FAM161A: variants seen among roughly 807,000 people sequenced by gnomAD.
FAM161A encodes the protein protein FAM161A.
A neutral mutation model predicts 70.9 loss-of-function variants in FAM161A; 57 were observed. The observed-to-expected ratio is 0.80, with a 90% CI of 0.65 to 1.00. The LOEUF (loss-of-function observed/expected upper bound fraction) is 1.00. Ranked by LOEUF, FAM161A falls within the 50% of genes least tolerant of loss-of-function variation. The pLI is 0.00. For synonymous variants in FAM161A, 299 were observed against 295.7 expected, an observed-to-expected ratio of 1.01 and a Z score of -0.12; for missense variants, 880 against 836.0, an observed-to-expected ratio of 1.05 and a Z score of -0.65.
chr2:61,803,630 A>G, the FAM161A span, among the ~76,000 whole-genome samples: 1 of 152,214 alleles, frequency 6.6e-6, no homozygotes, highest in Non-Finnish European at 1.5e-5. Context: ...CCTGGCCAAC[A>G]TGGTGAAACC....
the FAM161A span, among the ~76,000 whole-genome samples, chr2:61,807,983 T>C: frequency 1.3e-5 from 2 of 152,160 alleles, no homozygotes; most frequent in East Asian, 1.9e-4. Context: ...CCAGTGCTGC[T>C]AGACATTTGG....
At chr2:61,801,360 G>A in the FAM161A span, among the ~76,000 whole-genome samples, 2 of 151,478 alleles carry the variant, frequency 1.3e-5, no homozygotes, top group South Asian at 4.2e-4. Context: ...AGCTGGGTGT[G>A]GTAGCAGGCG....
At chr2:61,838,888 ATTTAT>A (rs1459537161) in intron 3 of FAM161A, among the ~76,000 whole-genome samples, 183 bp from the exon 4 acceptor site, 4 of 118,146 alleles carry the variant, frequency 3.4e-5, no homozygotes, top group African/African-American at 9.0e-5. Flanking sequence ...TTATTTATTT[ATTTAT>A]TTTTTTTGAG....
In FAM161A at chr2:61,826,354, A is replaced by T; in HGVS notation, c.*101T>A. The T allele has an allele frequency of 7.7e-7, 1 of 1,305,094 alleles. No homozygotes were observed. The allele number at this position is 1,305,094 out of a possible 1,614,324, so 80.8% of individuals were successfully genotyped here. On this transcript the variant is annotated 3_prime_UTR_variant, in exon 7 of 7. Transcript: ENST00000404929. ...ATGACTTTGATCAACAGCCCTGCAC[A>T]TATCAGAAGCGTCCCCACAGATGTT...
At chr2:61,817,737 C>G in the FAM161A span, among the ~76,000 whole-genome samples, 29 of 152,006 alleles carry the variant, frequency 1.9e-4, no homozygotes, top group African/African-American at 6.3e-4. Context: ...GAGGCCAAGG[C>G]AGGAGGATGG....
the FAM161A span, among the ~76,000 whole-genome samples, chr2:61,801,569 T>G: frequency 1.5e-4 from 18 of 123,784 alleles, no homozygotes; most frequent in Non-Finnish European, 2.2e-4. Context: ...GTTTTTTTGG[T>G]TTTTTTTTTT....
At chr2:61,847,207 C>T (rs951284213) in intron 1 of FAM161A, among the ~76,000 whole-genome samples, 1 of 152,118 alleles carries the variant, frequency 6.6e-6, no homozygotes, top group African/African-American at 2.4e-5. Flanking sequence ...AAGGCCTTTG[C>T]ACTTGCTGTT....
chr2:61,820,305 A>G (rs1672176426), downstream of FAM161A: 1 of 728,084 alleles, frequency 1.4e-6, no homozygotes, highest in Non-Finnish European at 2.5e-6. Flanking sequence ...ATTCTGAGCA[A>G]TGGGGAATGC....
chr2:61,832,877 C>G (rs1373381657), intron 5 of FAM161A, among the ~76,000 whole-genome samples: 1 of 152,160 alleles, frequency 6.6e-6, no homozygotes, highest in African/African-American at 2.4e-5. Context: ...AAACCAGTCT[C>G]TAGCGCCAAA....
At chr2:61,836,197 C>T (rs1672768889) in intron 4 of FAM161A, 88 bp from the exon 5 acceptor site, 1 of 939,720 alleles carries the variant, frequency 1.1e-6, no homozygotes, top group Non-Finnish European at 1.7e-6. Context: ...TCAACTTGTA[C>T]AAAGTCAATG....
intron 5 of FAM161A, among the ~76,000 whole-genome samples, chr2:61,832,142 G>A (rs540365024): frequency 6.6e-6 from 1 of 151,936 alleles, no homozygotes; most frequent in East Asian, 1.9e-4. Flanking sequence ...CTACTTGGGA[G>A]GCTGAGGTGG....
intron 5 of FAM161A, among the ~76,000 whole-genome samples, chr2:61,832,182 T>G (rs910191907): frequency 6.6e-6 from 1 of 150,794 alleles, no homozygotes; most frequent in African/African-American, 2.4e-5. Context: ...GGGGTTAAAG[T>G]TGCAGTGAGC....
At chr2:61,851,757 G>A (rs750589793) in intron 1 of FAM161A, among the ~76,000 whole-genome samples, 2 of 149,720 alleles carry the variant, frequency 1.3e-5, no homozygotes, top group African/African-American at 2.5e-5. Flanking sequence ...AGGGGGGTGC[G>A]TGTGTATGCC....
chr2:61,844,348 T>C (rs1456190776), intron 1 of FAM161A, among the ~76,000 whole-genome samples: 1 of 152,128 alleles, frequency 6.6e-6, no homozygotes, highest in Non-Finnish European at 1.5e-5. Flanking sequence ...CATTAAATAT[T>C]TGGGGGCCAT....
At chr2:61,803,199 G>GA in the FAM161A span, 1 of 556,970 alleles carries the variant, frequency 1.8e-6, no homozygotes, top group African/African-American at 1.9e-5. Flanking sequence ...CAGAAATTCA[G>GA]AAAAAACTAG....
Position 61,839,693 on chromosome 2 carries a change from T to C in FAM161A, c.1311A>G (p.Arg437=), listed in dbSNP as rs1672927610. The change falls in exon 3 of 7, where the codon AGA becomes AGG. Residue 437 remains arginine (R), a synonymous_variant. Coordinates refer to ENST00000404929, the MANE Select transcript of FAM161A (RefSeq NM_001201543.2). ...TGTGTTCTGAGAGGTGTTTCTGGTA[T>C]CTCTCAGGAAGGTCCTCAAAATCAG... is the stretch of plus-strand genomic sequence containing the variant. ...PTPDFEDLPE[R]YQKHLSEHKS... 1 of 1,614,226 alleles carries C rather than the reference T, an allele frequency of 6.2e-7. No individual in the cohort carries two copies.
chr2:61,810,453 CTTT>C, the FAM161A span, among the ~76,000 whole-genome samples: 1 of 95,610 alleles, frequency 1.0e-5, no homozygotes, highest in Admixed American at 1.2e-4. Flanking sequence ...CCAGCACTTC[CTTT>C]TTTTTTTTTT....
intron 5 of FAM161A, among the ~76,000 whole-genome samples, chr2:61,834,138 T>C (rs1672684760): frequency 6.6e-6 from 1 of 152,184 alleles, no homozygotes; most frequent in African/African-American, 2.4e-5. Flanking sequence ...ACAGAAAATA[T>C]GTTACACATA....
At position 61,853,881 on chromosome 2, in the gene FAM161A, A is replaced by T. The variant is rs755697413; in HGVS notation, c.161T>A (p.Val54Glu). 6 of 1,613,892 alleles carry T rather than the reference A, an allele frequency of 3.7e-6. No individual in the cohort carries two copies. The highest frequency in any genetic ancestry group is 2.2e-5 in the South Asian group (2 of 91,082). Residue 54 changes from valine to glutamate, a missense_variant, in exon 1 of 7, where the codon GTG becomes GAG. Coordinates refer to ENST00000404929, the MANE Select transcript of FAM161A (RefSeq NM_001201543.2). ...TACCGATGCCCCAGCGGGCTGAGCCACTTTCTCCTCCTCTTCGTCCTCCAA... is the reference window on the plus strand; with the variant it reads ...TACCGATGCCCCAGCGGGCTGAGCCTCTTTCTCCTCCTCTTCGTCCTCCAA... ...AILEDEEEEK[V>E]AQPAGASADL...
Sources: gnomAD v4.1 joint callset for allele counts (sites outside exome capture counted in the v4.1 genomes callset) on GRCh38, gnomAD v4.1.1 for gene constraint, MANE v1.5 for transcripts, NCBI Gene and HGNC (gene_info 2026-07-23, HGNC 2026-07-21) for gene names.